The following TXNDC9 variants were observed in gnomAD, a reference collection of about 807,000 sequenced individuals.
TXNDC9 encodes thioredoxin domain containing 9.
A neutral mutation model predicts 23.0 loss-of-function variants in TXNDC9; 7 were observed. The ratio of observed to expected loss-of-function variants is 0.30; its 90% confidence interval spans 0.17 to 0.57. TXNDC9 has a LOEUF of 0.57. TXNDC9 is among the 20% of genes least tolerant of loss of function. TXNDC9 has a pLI of 0.90. For missense variants in TXNDC9, 198 were observed against 252.6 expected (o/e 0.78, Z 1.47); for synonymous variants, 72 against 90.6 (o/e 0.79, Z 1.17).
At chr2:99,319,922 C>T (rs2094197544) in intron 4 of TXNDC9, 123 bp from the exon 5 acceptor site, 1 of 638,180 alleles carries the variant, frequency 1.6e-6, no homozygotes, top group Non-Finnish European at 2.7e-6. Flanking sequence ...ATGCTGGTGT[C>T]AGGGAAGAGG....
In TXNDC9 at chr2:99,336,255, G is replaced by C. The variant is rs2094240179; in HGVS notation, c.-49C>G. ...CTGCCTCACCTGAGCTCTCGGTGAC[G>C]CCTGAGAAGTGAAAGAGCAGCAGTT... On this transcript the variant is annotated 5_prime_UTR_variant, in exon 1 of 5. Coordinates refer to ENST00000264255, the MANE Select transcript of TXNDC9 (RefSeq NM_005783.4). 1.0e-6 allele frequency: 1 copy of C among 983,978 alleles called. No individual in the cohort carries two copies. The highest frequency in any genetic ancestry group is 1.8e-5 in the African/African-American group (1 of 56,716). The allele number at this position is 983,978 out of a possible 1,614,324, so 61.0% of individuals were successfully genotyped here. A position where few individuals can be genotyped will look rare whatever the true frequency, so the allele number is the denominator to read the frequency against.
the TXNDC9 span, among the ~76,000 whole-genome samples, chr2:99,313,246 T>C: frequency 3.3e-5 from 5 of 152,144 alleles, no homozygotes; most frequent in African/African-American, 7.2e-5. Flanking sequence ...TATTTTTTAA[T>C]TGAAATAGAG....
chr2:99,322,559 A>T, intron 3 of TXNDC9: 1 of 1,511,380 alleles, frequency 6.6e-7, no homozygotes, highest in Non-Finnish European at 8.8e-7. Flanking sequence ...GAAGAGACTT[A>T]CAAGAATCAG....
At chr2:99,327,063 CAATT>C (rs1453735487) in intron 3 of TXNDC9, among the ~76,000 whole-genome samples, 1 of 152,006 alleles carries the variant, frequency 6.6e-6, no homozygotes, top group Non-Finnish European at 1.5e-5. Flanking sequence ...TTTAAAATAA[CAATT>C]AACTTTTTTT....
chr2:99,316,491 GAGT>G (rs1370269907), downstream of TXNDC9, among the ~76,000 whole-genome samples: 2 of 152,060 alleles, frequency 1.3e-5, no homozygotes, highest in African/African-American at 4.8e-5. Context: ...TATACACAAT[GAGT>G]AGTTTTTTTT....
Position 99,319,464 on chromosome 2 carries a change from C to T in TXNDC9, c.*218G>A. 1 of 417,452 alleles carries T rather than the reference C, an allele frequency of 2.4e-6. No individual in the cohort carries two copies. Among genetic ancestry groups the T allele is most frequent in the Non-Finnish European group, 4.2e-6 (1 of 237,868 alleles). 25.9% of individuals were successfully genotyped at this position (417,452 alleles called of 1,614,324 possible). A position where few individuals can be genotyped will look rare whatever the true frequency, so the allele number is the denominator to read the frequency against. ...AAGTCAATCTCAAAAATAGAGAATC[C>T]AGACCCTTCCCAGATAATTTAAGAA... On this transcript the variant is annotated 3_prime_UTR_variant, in exon 5 of 5. Transcript: ENST00000264255.
chr2:99,310,040 G>A, the TXNDC9 span, among the ~76,000 whole-genome samples: 1 of 152,124 alleles, frequency 6.6e-6, no homozygotes, highest in East Asian at 1.9e-4. Context: ...AATAAAAAGA[G>A]TACCTACTTC....
rs550599860 is a variant in TXNDC9 at position 99,324,355 on chromosome 2, G to A, written c.309-2146C>T. Among the ~76,000 whole-genome samples the A allele has an allele frequency of 3.3e-5, 5 of 152,276 alleles. No homozygotes were observed. In the South Asian group the frequency reaches 1.0e-3, roughly 32 times the overall value. The stretch of plus-strand genomic sequence containing the variant: ...TAAGTTTGGCTCTAACATAAGTTAT[G>A]TGTAACCTTGGTGCCTCATCACTTT... On this transcript the variant is annotated intron_variant, in intron 3 of 4. Transcript: ENST00000264255.
At chr2:99,327,768 A>C in intron 2 of TXNDC9, 115 bp from the exon 3 acceptor site, 1 of 677,668 alleles carries the variant, frequency 1.5e-6, no homozygotes. Flanking sequence ...TTAAAAAAAA[A>C]AGTTTTTTTT....
chr2:99,324,196 A>C (rs1392442273), intron 3 of TXNDC9, among the ~76,000 whole-genome samples: 1 of 152,200 alleles, frequency 6.6e-6, no homozygotes, highest in Non-Finnish European at 1.5e-5. Flanking sequence ...CTGGCAGTGG[A>C]GTTGGGAAAC....
chr2:99,309,106 T>C, the TXNDC9 span, among the ~76,000 whole-genome samples: 1 of 152,110 alleles, frequency 6.6e-6, no homozygotes, highest in Non-Finnish European at 1.5e-5. Context: ...AAAATAGGCC[T>C]GGTGCTGGTG....
At chr2:99,325,292 C>G (rs1486637849) in intron 3 of TXNDC9, among the ~76,000 whole-genome samples, 1 of 152,070 alleles carries the variant, frequency 6.6e-6, no homozygotes, top group East Asian at 1.9e-4. Flanking sequence ...AAAAAAATAG[C>G]AATAGGCTTA....
At chr2:99,331,962 T>A (rs553521593) in intron 2 of TXNDC9, among the ~76,000 whole-genome samples, 2 of 152,218 alleles carry the variant, frequency 1.3e-5, no homozygotes, top group South Asian at 4.2e-4. Flanking sequence ...ACTCCCGACC[T>A]CAGGTTGTCC....
At chr2:99,310,789 AT>A in the TXNDC9 span, among the ~76,000 whole-genome samples, 1 of 152,192 alleles carries the variant, frequency 6.6e-6, no homozygotes, top group Non-Finnish European at 1.5e-5. Context: ...ATTAAAAAAA[AT>A]AAACTTACAT....
the TXNDC9 span, among the ~76,000 whole-genome samples, chr2:99,313,123 T>C: frequency 2.0e-5 from 3 of 151,910 alleles, no homozygotes; most frequent in Admixed American, 6.6e-5. Context: ...GATGGCACCA[T>C]TGCACTCCAG....
At chr2:99,311,211 C>T in the TXNDC9 span, among the ~76,000 whole-genome samples, 1 of 152,030 alleles carries the variant, frequency 6.6e-6, no homozygotes, top group Non-Finnish European at 1.5e-5. Flanking sequence ...TTTTGTTTTC[C>T]AACTGGTCTT....
At chr2:99,311,169 G>A in the TXNDC9 span, among the ~76,000 whole-genome samples, 9 of 152,222 alleles carry the variant, frequency 5.9e-5, no homozygotes, top group African/African-American at 2.2e-4. Context: ...GGGACTACAG[G>A]TGTGTGCCAC....
chr2:99,315,057 GGT>G (rs1467785172), downstream of TXNDC9, among the ~76,000 whole-genome samples: 1 of 143,810 alleles, frequency 7.0e-6, no homozygotes, highest in African/African-American at 2.6e-5. Flanking sequence ...CACCACGCCT[GGT>G]TAATTTTTTT....
At chr2:99,314,870 G>A (rs919571185), downstream of TXNDC9, among the ~76,000 whole-genome samples, 16 of 149,394 alleles carry the variant, frequency 1.1e-4, no homozygotes, top group African/African-American at 3.4e-4. Context: ...CATTTCTTTT[G>A]GGAAGACGTA....
Sources: allele counts gnomAD v4.1 joint callset (sites outside exome capture counted in the v4.1 genomes callset), GRCh38; gene constraint gnomAD v4.1.1; transcripts MANE v1.5; gene names NCBI Gene and HGNC (gene_info 2026-07-23, HGNC 2026-07-21).